The following NIN variants were observed in gnomAD, a reference collection of about 807,000 sequenced individuals.
NIN encodes ninein.
Under a neutral mutation model 257.6 loss-of-function variants are expected in NIN, and 137 were observed. The ratio of observed to expected loss-of-function variants is 0.53; its 90% CI spans 0.46 to 0.61. NIN has a LOEUF of 0.61. Ranked by LOEUF, NIN falls within the 20% of genes least tolerant of loss-of-function variation. The pLI is 0.00. For missense variants in NIN, 2,439 were observed against 2,501.2 expected (o/e 0.98, Z 0.53); for synonymous variants, 918 against 919.8 (o/e 1.00, Z 0.04).
chr14:50,738,978 T>C (rs1293311402), intron 26 of NIN, among the ~76,000 whole-genome samples: 1 of 152,166 alleles, frequency 6.6e-6, no homozygotes, highest in Non-Finnish European at 1.5e-5. Flanking sequence ...GATCTGAGTC[T>C]AGTTTTACCA....
chr14:50,829,909 TC>T (rs2045623869), intron 2 of NIN, among the ~76,000 whole-genome samples: 1 of 152,148 alleles, frequency 6.6e-6, no homozygotes, highest in East Asian at 1.9e-4. Flanking sequence ...GAAGCTTCCT[TC>T]CCCGACACTC....
At chr14:50,737,330 A>G (rs1391976209) in intron 27 of NIN, among the ~76,000 whole-genome samples, 2 of 152,104 alleles carry the variant, frequency 1.3e-5, no homozygotes, top group Non-Finnish European at 2.9e-5. Context: ...ATGAGCTTGT[A>G]AAGTAGATCC....
intron 7 of NIN, among the ~76,000 whole-genome samples, chr14:50,774,432 G>A (rs150812727): frequency 6.6e-6 from 1 of 152,118 alleles, no homozygotes; most frequent in South Asian, 2.1e-4. Context: ...ACTTCCTCTG[G>A]AGGGAACTCT....
chr14:50,764,465 A>C (rs935626303), intron 14 of NIN, among the ~76,000 whole-genome samples: 5 of 152,208 alleles, frequency 3.3e-5, no homozygotes, highest in Admixed American at 3.3e-4. Context: ...ACGGTTAAAC[A>C]TAGGGTTACC....
intron 17 of NIN, 71 bp downstream of exon 17, chr14:50,759,786 G>A (rs752402969): frequency 1.3e-6 from 2 of 1,507,956 alleles, no homozygotes; most frequent in Admixed American, 2.1e-5. Flanking sequence ...ACCGCGCCCA[G>A]CCACAACTGG....
intron 28 of NIN, among the ~76,000 whole-genome samples, chr14:50,730,323 CATGGA>C (rs2040627986): frequency 6.6e-6 from 1 of 152,082 alleles, no homozygotes; most frequent in South Asian, 2.1e-4. Context: ...AACTGGAGAA[CATGGA>C]ATGGAAGTAT....
intron 11 of NIN, 98 bp from the exon 12 acceptor site, chr14:50,770,660 G>C (rs771827953): frequency 7.0e-7 from 1 of 1,436,542 alleles, no homozygotes; most frequent in Non-Finnish European, 9.5e-7. Flanking sequence ...GAGATGAAAA[G>C]CACCTGGATA....
intron 2 of NIN, chr14:50,823,355 CT>C (rs1451533581): frequency 1.9e-6 from 1 of 524,254 alleles, no homozygotes; most frequent in East Asian, 4.2e-5. Flanking sequence ...AAAGCAGCAG[CT>C]TTCACTAACC....
chr14:50,725,824 G>C (rs2040386439), intron 30 of NIN, 129 bp downstream of exon 30: 3 of 1,528,484 alleles, frequency 2.0e-6, no homozygotes, highest in Non-Finnish European at 2.7e-6. Flanking sequence ...AGTTCTTACA[G>C]ACATTTATAA....
At chr14:50,761,575 A>G (rs1447639117) in intron 16 of NIN, among the ~76,000 whole-genome samples, 2 of 152,220 alleles carry the variant, frequency 1.3e-5, no homozygotes, top group Non-Finnish European at 2.9e-5. Flanking sequence ...TCAAGCTTCA[A>G]GTTCCATGAT....
chr14:50,777,144 G>A lies in NIN; in HGVS notation c.476-5C>T. ...GGTTCCAAAACCTTAACTGGCCTGA[G>A]AGAGAAGCATATGTTGCACGGTTTC... On this transcript the variant is annotated splice_region_variant and splice_polypyrimidine_tract_variant and intron_variant, in intron 6 of 30. Transcript: ENST00000530997. 3.7e-6 allele frequency: 6 copies of A among 1,601,126 alleles called. No homozygotes were observed. The highest frequency in any genetic ancestry group is 5.1e-6 in the Non-Finnish European group (6 of 1,173,920).
At chr14:50,746,080 C>A (rs996692533) in intron 22 of NIN, among the ~76,000 whole-genome samples, 2 of 151,850 alleles carry the variant, frequency 1.3e-5, no homozygotes, top group South Asian at 4.2e-4. Flanking sequence ...AATGACATCC[C>A]CATCATGTTG....
At chr14:50,753,881 CTT>C (rs913830627) in intron 20 of NIN, among the ~76,000 whole-genome samples, 1 of 149,602 alleles carries the variant, frequency 6.7e-6, no homozygotes, top group Non-Finnish European at 1.5e-5. Context: ...CTTTTGTATT[CTT>C]TTTTTTTTCT....
chr14:50,753,908 C>T (rs1325476548), intron 20 of NIN, among the ~76,000 whole-genome samples: 2 of 151,872 alleles, frequency 1.3e-5, no homozygotes, highest in Non-Finnish European at 2.9e-5. Context: ...CTTGACCATT[C>T]ATATAGATTG....
At chr14:50,738,054 C>A in intron 27 of NIN, 86 bp downstream of exon 27, 1 of 1,361,066 alleles carries the variant, frequency 7.3e-7, no homozygotes, top group Non-Finnish European at 1.0e-6. Flanking sequence ...TAATCATTTC[C>A]TTAGAAGTAC....
rs578021034 is a variant in NIN at position 50,743,900 on chromosome 14, G to A, written c.5187+343C>T. 1.3e-3 allele frequency among the ~76,000 whole-genome samples: 191 copies of A among 152,210 alleles called. 1 individual carries two copies. Among genetic ancestry groups the A allele is most frequent in the South Asian group, 7.3e-3 (35 of 4,822 alleles). ...AGGTGGTGTTTTGGGATTTGCTAAA[G>A]AAGATAAAATAGAAAAAAAGTGTTT... On this transcript the variant is annotated intron_variant, in intron 23 of 30. Coordinates refer to ENST00000530997, the MANE Select transcript of NIN (RefSeq NM_020921.4).
At chr14:50,762,194 G>A (rs77155321) in intron 15 of NIN, among the ~76,000 whole-genome samples, 1,929 of 152,236 alleles carry the variant, frequency 0.013, 36 homozygotes, top group African/African-American at 0.044. Context: ...GGGCGGCGGG[G>A]GTGGAAATTG....
chr14:50,804,623 AC>A (rs1203737952), intron 4 of NIN, among the ~76,000 whole-genome samples: 1 of 152,154 alleles, frequency 6.6e-6, no homozygotes, highest in Admixed American at 6.5e-5. Flanking sequence ...TAACTATGAA[AC>A]CACCATCTGG....
rs370332241 is a variant in NIN, at chr14:50,797,552, T to C, written c.266-4671A>G. ...AGGCCAGCATCCCCAAGAAGCTTTC[T>C]TGGGAAAAGGCAGTCATGCAGCAAA... On this transcript the variant is annotated intron_variant, in intron 4 of 30. Coordinates refer to ENST00000530997, the MANE Select transcript of NIN (RefSeq NM_020921.4). Among the ~76,000 whole-genome samples the C allele has an allele frequency of 4.6e-5, 7 of 152,328 alleles. No individual in the cohort carries two copies. In the East Asian group the frequency reaches 5.8e-4, roughly 13 times the overall value.
Sources: gnomAD v4.1 joint callset for allele counts (sites outside exome capture counted in the v4.1 genomes callset) on GRCh38, gnomAD v4.1.1 for gene constraint, MANE v1.5 for transcripts, NCBI Gene and HGNC (gene_info 2026-07-23, HGNC 2026-07-21) for gene names.